SLC25A21: variants seen among roughly 807,000 people sequenced by gnomAD.
SLC25A21 encodes the protein solute carrier family 25 member 21.
SLC25A21 carries 47 observed loss-of-function variants against 43.8 expected under a neutral mutation model. The ratio of observed to expected loss-of-function variants is 1.07; its 90% confidence interval spans 0.85 to 1.37. The LOEUF is 1.37. SLC25A21 is among the 40% of genes most tolerant of loss of function. SLC25A21 has a pLI of 0.00. For missense variants in SLC25A21, 352 were observed against 350.2 expected (o/e 1.00, Z -0.04); for synonymous variants, 131 against 121.3 (o/e 1.08, Z -0.52).
intron 3 of SLC25A21, among the ~76,000 whole-genome samples, chr14:36,764,150 A>AGG (rs71124779): frequency 1.4e-4 from 8 of 58,346 alleles, no homozygotes; most frequent in African/African-American, 6.9e-4. Context: ...GAAGGAAAGA[A>AGG]AGAAAGAAAG....
intron 1 of SLC25A21, among the ~76,000 whole-genome samples, chr14:37,007,910 A>C (rs1960642864): frequency 6.6e-6 from 1 of 151,736 alleles, no homozygotes. Flanking sequence ...ATCATTTTGC[A>C]CTTACCATCC....
intron 1 of SLC25A21, among the ~76,000 whole-genome samples, chr14:36,961,661 G>A (rs2021932): frequency 0.12 from 18,360 of 152,050 alleles, 2,151 homozygotes; most frequent in African/African-American, 0.3. Context: ...GATGGCAACT[G>A]GGCTCTCCAG....
intron 1 of SLC25A21, among the ~76,000 whole-genome samples, chr14:36,917,968 A>T (rs1594691660): frequency 6.6e-6 from 1 of 152,096 alleles, no homozygotes; most frequent in East Asian, 1.9e-4. Context: ...TCATGTCATG[A>T]TTGTAAGAGT....
intron 1 of SLC25A21, among the ~76,000 whole-genome samples, chr14:37,134,517 C>T (rs1246469025): frequency 6.6e-5 from 10 of 151,810 alleles, no homozygotes; most frequent in Admixed American, 3.3e-4. Context: ...CAGTGGCTTG[C>T]GCCTATTATC....
At chr14:37,166,609 T>G (rs1433938674) in intron 1 of SLC25A21, among the ~76,000 whole-genome samples, 1 of 152,242 alleles carries the variant, frequency 6.6e-6, no homozygotes, top group Non-Finnish European at 1.5e-5. Context: ...CGGCATTTAG[T>G]ATTTACTCAA....
Position 37,024,681 on chromosome 14 carries a change from A to C in SLC25A21, c.70+147600T>G, listed in dbSNP as rs538425715. Among the ~76,000 whole-genome samples, 22 of 152,140 alleles carry C rather than the reference A, an allele frequency of 1.4e-4. No homozygotes were observed. The East Asian group carries it at 4.1e-3, about 28-fold the overall frequency. On this transcript the variant is annotated intron_variant, in intron 1 of 9. Coordinates refer to ENST00000331299, the MANE Select transcript of SLC25A21 (RefSeq NM_030631.4). ...AACAGCTTTATTATTTATAGTGAAC[A>C]TATTTGTTGGCATCTTTCCTTTTCT...
In SLC25A21 at chr14:36,680,292, A is replaced by C; in HGVS notation, c.*366T>G. 1.0e-6 allele frequency: 1 copy of C among 976,184 alleles called. No individual in the cohort carries two copies. Among genetic ancestry groups the C allele is most frequent in the Non-Finnish European group, 1.2e-6 (1 of 828,582 alleles). The allele number at this position is 976,184 out of a possible 1,614,324, so 60.5% of individuals were successfully genotyped here. The stretch of plus-strand genomic sequence containing the variant: ...TTTTCAATAGTTTAAGCATTTCTAG[A>C]CCTCTTAGGAAAAATGCTGATCAAT... On this transcript the variant is annotated 3_prime_UTR_variant, in exon 10 of 10. Coordinates refer to ENST00000331299, the MANE Select transcript of SLC25A21 (RefSeq NM_030631.4).
chr14:36,841,700 A>C (rs1167814979), intron 2 of SLC25A21, among the ~76,000 whole-genome samples: 1 of 152,180 alleles, frequency 6.6e-6, no homozygotes, highest in Non-Finnish European at 1.5e-5. Flanking sequence ...ACCTTGCCCA[A>C]GAACGTACGG....
chr14:37,167,085 C>T (rs955630916), intron 1 of SLC25A21, among the ~76,000 whole-genome samples: 3 of 152,022 alleles, frequency 2.0e-5, no homozygotes, highest in African/African-American at 7.2e-5. Context: ...CAAGAATTGC[C>T]GGCAGACCTG....
chr14:37,051,975 G>A (rs774024233), intron 1 of SLC25A21, among the ~76,000 whole-genome samples: 2 of 152,158 alleles, frequency 1.3e-5, no homozygotes, highest in African/African-American at 4.8e-5. Context: ...GAGTGGACCC[G>A]AAGGGCCCGA....
chr14:36,779,633 T>C (rs1350780441), intron 3 of SLC25A21, among the ~76,000 whole-genome samples: 1 of 142,650 alleles, frequency 7.0e-6, no homozygotes, highest in Admixed American at 7.0e-5. Flanking sequence ...TATATATATA[T>C]ATATATATAT....
At chr14:37,007,613 A>C (rs1960634992) in intron 1 of SLC25A21, among the ~76,000 whole-genome samples, 1 of 151,222 alleles carries the variant, frequency 6.6e-6, no homozygotes, top group South Asian at 2.1e-4. Flanking sequence ...TAATAATAAT[A>C]ATAATAATAA....
chr14:36,974,438 AG>A (rs1161486549), intron 1 of SLC25A21, among the ~76,000 whole-genome samples: 2 of 152,228 alleles, frequency 1.3e-5, no homozygotes, highest in East Asian at 3.9e-4. Context: ...AAGAAACAGT[AG>A]GTACACATAT....
intron 1 of SLC25A21, among the ~76,000 whole-genome samples, chr14:36,892,308 G>C (rs137933077): frequency 6.6e-6 from 1 of 152,230 alleles, no homozygotes; most frequent in African/African-American, 2.4e-5. Context: ...GAACTCCAAT[G>C]TTTCTTGCAG....
intron 5 of SLC25A21, among the ~76,000 whole-genome samples, chr14:36,726,988 G>A (rs972083683): frequency 2.6e-4 from 39 of 152,212 alleles, no homozygotes; most frequent in Admixed American, 2.6e-3. Context: ...CACAAAGGCA[G>A]GATCCAGAGA....
At chr14:36,888,786 C>A (rs1890996472) in intron 1 of SLC25A21, among the ~76,000 whole-genome samples, 1 of 152,106 alleles carries the variant, frequency 6.6e-6, no homozygotes, top group Non-Finnish European at 1.5e-5. Flanking sequence ...TCACAGGTAG[C>A]CAGGTCTTTT....
Position 36,678,430 on chromosome 14 carries a change from G to A in SLC25A21, c.*2228C>T, listed in dbSNP as rs955257035. 2 of 1,385,516 alleles carry A rather than the reference G, an allele frequency of 1.4e-6. No individual in the cohort carries two copies. The highest frequency in any genetic ancestry group is 2.0e-6 in the Non-Finnish European group (2 of 1,008,664). The allele number at this position is 1,385,516 out of a possible 1,614,324, so 85.8% of individuals were successfully genotyped here. On this transcript the variant is annotated 3_prime_UTR_variant, in exon 10 of 10. Transcript: ENST00000331299. ...CAGAAGGAGCAGATGAACTCTCAGG[G>A]CCATAGTCTTCCTTTGATCTTGTAA...
At chr14:36,954,777 T>C (rs1959289441) in intron 1 of SLC25A21, among the ~76,000 whole-genome samples, 1 of 152,140 alleles carries the variant, frequency 6.6e-6, no homozygotes, top group Non-Finnish European at 1.5e-5. Context: ...CCACTTGTCC[T>C]TTCCTTTCCT....
chr14:37,087,801 C>T (rs532162642), intron 1 of SLC25A21, among the ~76,000 whole-genome samples: 138 of 152,292 alleles, frequency 9.1e-4, no homozygotes, highest in African/African-American at 3.2e-3. Flanking sequence ...TGTGAAAGTG[C>T]ATCCTTTCCC....
Sources: allele counts gnomAD v4.1 joint callset (sites outside exome capture counted in the v4.1 genomes callset), GRCh38; gene constraint gnomAD v4.1.1; transcripts MANE v1.5; gene names NCBI Gene and HGNC (gene_info 2026-07-23, HGNC 2026-07-21).